Variants in CPNE4 observed in about 807,000 individuals in gnomAD.
CPNE4 encodes the protein copine 4.
A neutral mutation model predicts 67.9 loss-of-function variants in CPNE4; 25 were observed. The observed-to-expected ratio is 0.37, with a 90% CI of 0.27 to 0.51. CPNE4 has a LOEUF of 0.51. Ranked by LOEUF, CPNE4 falls within the 20% of genes least tolerant of loss-of-function variation. The pLI, the probability that CPNE4 is intolerant of heterozygous loss-of-function variation, is 0.93. For missense variants in CPNE4, 464 were observed against 690.8 expected (o/e 0.67, Z 3.68); for synonymous variants, 242 against 244.9 (o/e 0.99, Z 0.11).
At chr3:132,024,145 G>A (rs1489538125) in intron 1 of CPNE4, among the ~76,000 whole-genome samples, 5 of 147,660 alleles carry the variant, frequency 3.4e-5, no homozygotes, top group Non-Finnish European at 5.9e-5. Flanking sequence ...GTGCTGCAGC[G>A]CAATCTTGGC....
intron 2 of CPNE4, among the ~76,000 whole-genome samples, chr3:131,839,282 A>T (rs1052161297): frequency 7.2e-5 from 11 of 151,924 alleles, no homozygotes; most frequent in Non-Finnish European, 1.5e-4. Flanking sequence ...AAGTCAAAAA[A>T]ATCGTGTTAT....
intron 2 of CPNE4, among the ~76,000 whole-genome samples, chr3:131,747,762 TG>T (rs2082528456): frequency 6.6e-6 from 1 of 152,210 alleles, no homozygotes; most frequent in African/African-American, 2.4e-5. Flanking sequence ...GTAGATTCTT[TG>T]GAATTTTCTA....
At chr3:131,597,845 G>A (rs1231852010) in intron 7 of CPNE4, among the ~76,000 whole-genome samples, 2 of 152,096 alleles carry the variant, frequency 1.3e-5, no homozygotes, top group Admixed American at 1.3e-4. Context: ...CCACTTGAAG[G>A]ACTTCTGATC....
intron 2 of CPNE4, among the ~76,000 whole-genome samples, chr3:131,784,390 C>T (rs939908280): frequency 4.4e-4 from 67 of 152,190 alleles, no homozygotes; most frequent in African/African-American, 1.6e-3. Flanking sequence ...TCTGCCCCAA[C>T]CCACCTCTGA....
rs139142167 is a variant in CPNE4, at chr3:131,954,551, G to A, written c.-1-49107C>T. ...TAGGGTACATGTGCACAACGTGCAG[G>A]TATATTACATATGTATAGATGTGCC... On this transcript the variant is annotated intron_variant, in intron 1 of 15. Coordinates refer to ENST00000429747, the MANE Select transcript of CPNE4 (RefSeq NM_130808.3). Among the ~76,000 whole-genome samples the A allele has an allele frequency of 7.4e-3, 1,131 of 152,214 alleles. 11 individuals carry two copies. Among genetic ancestry groups the A allele is most frequent in the African/African-American group, 0.026 (1,077 of 41,506 alleles).
chr3:132,035,778 G>C (rs1189243017), upstream of CPNE4, among the ~76,000 whole-genome samples: 1 of 152,172 alleles, frequency 6.6e-6, no homozygotes, highest in Admixed American at 6.5e-5. Flanking sequence ...CTGCACATTG[G>C]TATTGTCAGA....
chr3:131,797,880 A>G (rs1470770377), intron 2 of CPNE4, among the ~76,000 whole-genome samples: 1 of 152,102 alleles, frequency 6.6e-6, no homozygotes, highest in Non-Finnish European at 1.5e-5. Context: ...ATAAAATACC[A>G]CAGACTGGGT....
At chr3:131,598,856 C>T (rs1465073373) in intron 7 of CPNE4, among the ~76,000 whole-genome samples, 3 of 149,196 alleles carry the variant, frequency 2.0e-5, no homozygotes, top group Non-Finnish European at 3.0e-5. Flanking sequence ...CCCACCCCCC[C>T]GCCAAAAAAA....
intron 1 of CPNE4, among the ~76,000 whole-genome samples, chr3:131,971,304 A>G (rs985478019): frequency 5.9e-5 from 9 of 152,318 alleles, no homozygotes; most frequent in African/African-American, 2.2e-4. Flanking sequence ...GTCCTAGAAC[A>G]TCACTTCTAC....
intron 9 of CPNE4, among the ~76,000 whole-genome samples, chr3:131,577,745 T>A (rs1433177654): frequency 6.6e-6 from 1 of 152,130 alleles, no homozygotes; most frequent in African/African-American, 2.4e-5. Context: ...TTATAAACAC[T>A]TAAGCTACAC....
chr3:131,542,426 G>T (rs1360515267), intron 15 of CPNE4, 131 bp downstream of exon 15: 2 of 730,780 alleles, frequency 2.7e-6, no homozygotes, highest in East Asian at 4.9e-5. Flanking sequence ...CCACAGCAAG[G>T]GTATGTAGAG....
chr3:131,814,467 C>T (rs1357442567), intron 2 of CPNE4, among the ~76,000 whole-genome samples: 1 of 149,972 alleles, frequency 6.7e-6, no homozygotes, highest in Non-Finnish European at 1.5e-5. Context: ...ACCGTGTGTA[C>T]AGAAGGGAGA....
intron 14 of CPNE4, among the ~76,000 whole-genome samples, chr3:131,546,523 T>C (rs2107636552): frequency 6.6e-6 from 1 of 152,270 alleles, no homozygotes; most frequent in South Asian, 2.1e-4. Flanking sequence ...CACAGACTTT[T>C]CAAAGAACAG....
chr3:131,740,828 A>G (rs757599871), intron 2 of CPNE4, among the ~76,000 whole-genome samples: 17 of 152,196 alleles, frequency 1.1e-4, no homozygotes, highest in Non-Finnish European at 2.4e-4. Context: ...CTGCCCACAA[A>G]CACTCCTTTA....
chr3:132,008,500 T>C (rs910128452), intron 1 of CPNE4, among the ~76,000 whole-genome samples: 1 of 152,200 alleles, frequency 6.6e-6, no homozygotes. Context: ...CATCCATGCT[T>C]TACATGCAGG....
chr3:131,945,946 A>T (rs1346138736), intron 1 of CPNE4, among the ~76,000 whole-genome samples: 1 of 152,204 alleles, frequency 6.6e-6, no homozygotes, highest in Non-Finnish European at 1.5e-5. Context: ...TTTTAAGAAT[A>T]GACAAGTTGC....
At chr3:131,585,557 A>G (rs1938125574) in intron 8 of CPNE4, among the ~76,000 whole-genome samples, 1 of 152,172 alleles carries the variant, frequency 6.6e-6, no homozygotes, top group South Asian at 2.1e-4. Context: ...GTTTTGGTAT[A>G]TTTCATTTAT....
At chr3:131,653,252 C>G (rs745593362) in intron 7 of CPNE4, among the ~76,000 whole-genome samples, 13 of 145,156 alleles carry the variant, frequency 9.0e-5, no homozygotes, top group Non-Finnish European at 1.3e-4. Flanking sequence ...TCACTCTGTT[C>G]TCCTGCCTCA....
At chr3:131,995,858 T>C (rs2073277746) in intron 1 of CPNE4, among the ~76,000 whole-genome samples, 1 of 152,162 alleles carries the variant, frequency 6.6e-6, no homozygotes, top group Non-Finnish European at 1.5e-5. Flanking sequence ...ACAAATGAAT[T>C]GCCACTGCAG....
Sources: allele counts gnomAD v4.1 joint callset (sites outside exome capture counted in the v4.1 genomes callset), GRCh38; gene constraint gnomAD v4.1.1; transcripts MANE v1.5; gene names NCBI Gene and HGNC (gene_info 2026-07-23, HGNC 2026-07-21).